NT5DC2: variants seen among roughly 807,000 people sequenced by gnomAD.
NT5DC2 encodes 5'-nucleotidase domain containing 2.
NT5DC2 carries 41 observed loss-of-function variants against 70.0 expected under a neutral mutation model. The ratio of observed to expected loss-of-function variants is 0.59; its 90% CI spans 0.46 to 0.76. NT5DC2 has a LOEUF of 0.76. Among genes scored for constraint, NT5DC2 ranks in the 30% least tolerant of loss-of-function variants. The pLI, the probability that NT5DC2 is intolerant of heterozygous loss-of-function variation, is 0.00. For synonymous variants in NT5DC2, 299 were observed against 310.4 expected (o/e 0.96, Z 0.39); for missense variants, 705 against 783.2 (o/e 0.90, Z 1.19).
Position 52,524,737 on chromosome 3 carries a change from G to A in NT5DC2, c.1413-6C>T, listed in dbSNP as rs377040069. On this transcript the variant is annotated splice_polypyrimidine_tract_variant and splice_region_variant and intron_variant, in intron 13 of 13. Transcript: ENST00000422318. ...ACAGGGCCTTGGTGATGCACCTGGCGAGGGAGACACGATGCGCTCAAGGGG... is the reference window on the plus strand; with the variant it reads ...ACAGGGCCTTGGTGATGCACCTGGCAAGGGAGACACGATGCGCTCAAGGGG... The A allele has an allele frequency of 8.9e-5, 143 of 1,612,546 alleles. No individual in the cohort carries two copies. Among genetic ancestry groups the A allele is most frequent in the Non-Finnish European group, 1.1e-4 (130 of 1,179,958 alleles).
At chr3:52,531,000 G>C (rs762289371) in intron 1 of NT5DC2, among the ~76,000 whole-genome samples, 1 of 152,214 alleles carries the variant, frequency 6.6e-6, no homozygotes. Context: ...CCCCAGTGCC[G>C]ATGACAAAGC....
In NT5DC2 at chr3:52,528,282, G is replaced by A. The variant is rs774116030; in HGVS notation, c.672C>T (p.Ile224=). ...GCAGAGCCATCTCCGGTAGCGAGAA[G>A]ATGTCCATGAACTGCTTAATGGAGG... The part of the protein sequence containing the change: ...KGPSIKQFMD[I]FSLPEMALLS... The change falls in exon 6 of 14, where the codon ATC becomes ATT. Residue 224 remains isoleucine (I), a synonymous_variant. Transcript: ENST00000422318. 13 of 1,613,316 alleles carry A rather than the reference G, an allele frequency of 8.1e-6. No individual in the cohort carries two copies. Among genetic ancestry groups the A allele is most frequent in the Non-Finnish European group, 1.1e-5 (13 of 1,180,046 alleles).
At position 52,528,262 on chromosome 3, in the gene NT5DC2, G is replaced by C. The variant is rs888527273; in HGVS notation, c.692C>G (p.Ala231Gly). ...FMDIFSLPEMALLSCVVDYFL... is the reference protein window; with the variant it reads ...FMDIFSLPEMGLLSCVVDYFL... ...GTAGTCCACCACACAGGACAGCAGA[G>C]CCATCTCCGGTAGCGAGAAGATGTC... Residue 231 changes from alanine (A) to glycine (G), a missense_variant, in exon 6 of 14, where the codon GCT becomes GGT. Ala to Gly is a moderately conservative substitution (Grantham distance 60, BLOSUM62 0). Transcript: ENST00000422318. 6 of 1,613,320 alleles carry C rather than the reference G, an allele frequency of 3.7e-6. No homozygotes were observed. The highest frequency in any genetic ancestry group is 5.1e-6 in the Non-Finnish European group (6 of 1,180,038).
intron 10 of NT5DC2, chr3:52,526,504 A>T (rs1482825588): frequency 6.6e-6 from 1 of 152,164 alleles, no homozygotes; most frequent in Non-Finnish European, 1.5e-5. Flanking sequence ...ACCTAATCCC[A>T]CCTCAACACC....
chr3:52,533,244 G>T (rs527441779), intron 1 of NT5DC2, among the ~76,000 whole-genome samples: 2 of 152,284 alleles, frequency 1.3e-5, no homozygotes, highest in Non-Finnish European at 2.9e-5. Flanking sequence ...CCAGCACTCC[G>T]GCAGCCGCTC....
rs537958530 is a variant in NT5DC2, at chr3:52,532,990, C to T, written c.232+516G>A. 4.6e-5 allele frequency among the ~76,000 whole-genome samples: 7 copies of T among 152,298 alleles called. No homozygotes were observed. In the South Asian group the frequency reaches 1.2e-3, roughly 27 times the overall value. ...GCGGGGGTGACTTGGCTTCTCCCAGCCTTCGCTGCCCGGGCTGAGAGGGGG... is the reference window on the plus strand; with the variant it reads ...GCGGGGGTGACTTGGCTTCTCCCAGTCTTCGCTGCCCGGGCTGAGAGGGGG... On this transcript the variant is annotated intron_variant, in intron 1 of 13. Coordinates refer to ENST00000422318, the MANE Select transcript of NT5DC2 (RefSeq NM_001134231.2).
At position 52,528,556 on chromosome 3, in the gene NT5DC2, T is replaced by C; in HGVS notation, c.549-17A>G. 6.9e-7 allele frequency: 1 copy of C among 1,443,514 alleles called. No individual in the cohort carries two copies. Among genetic ancestry groups the C allele is most frequent in the Non-Finnish European group, 9.2e-7 (1 of 1,083,688 alleles). 89.4% of individuals were successfully genotyped at this position (1,443,514 alleles called of 1,614,324 possible). ...TGGAGGCCCCTGAGCAGGCCCAAGA[T>C]ACCATCAGTCCAAGGTAGTCCTGAG... On this transcript the variant is annotated splice_polypyrimidine_tract_variant and intron_variant, in intron 4 of 13. Transcript: ENST00000422318.
chr3:52,528,771 G>A (rs2153238086), intron 3 of NT5DC2, 79 bp from the exon 4 acceptor site: 1 of 1,600,284 alleles, frequency 6.2e-7, no homozygotes, highest in Non-Finnish European at 8.6e-7. Context: ...TTCAGCCCAT[G>A]CCAGAACCCC....
rs1279938710 is a variant in NT5DC2 at position 52,533,789 on chromosome 3, C to CGCCGCCG, written c.-53_-52insCGGCGGC. ...CGCTGCCCTCGGCCAGCCCGCCGCC[C>CGCCGCCG]GCCGCCCGCCGCCCTCCGACTGCGC... On this transcript the variant is annotated 5_prime_UTR_variant, in exon 1 of 14. Coordinates refer to ENST00000422318, the MANE Select transcript of NT5DC2 (RefSeq NM_001134231.2). 1 of 974,300 alleles carries CGCCGCCG rather than the reference C, an allele frequency of 1.0e-6. No individual in the cohort carries two copies. Among genetic ancestry groups the CGCCGCCG allele is most frequent in the Non-Finnish European group, 1.2e-6 (1 of 823,228 alleles). 60.4% of individuals were successfully genotyped at this position (974,300 alleles called of 1,614,324 possible). A position where few individuals can be genotyped will look rare whatever the true frequency, so the allele number is the denominator to read the frequency against.
upstream of NT5DC2, chr3:52,534,840 G>T (rs373796334): frequency 1.5e-6 from 1 of 671,536 alleles, no homozygotes; most frequent in South Asian, 1.9e-5. Context: ...AACCTTGATT[G>T]AAGACCTACA....
intron 9 of NT5DC2, 81 bp downstream of exon 9, chr3:52,527,536 T>C: frequency 6.6e-7 from 1 of 1,525,292 alleles, no homozygotes; most frequent in East Asian, 2.3e-5. Flanking sequence ...AGGGCCAGGT[T>C]GGCCTCCTGC....
At position 52,524,436 on chromosome 3, in the gene NT5DC2, G is replaced by A. The variant is rs201684761; in HGVS notation, c.*34C>T. On this transcript the variant is annotated 3_prime_UTR_variant, in exon 14 of 14. Transcript: ENST00000422318. ...TTGTCTGGGTGGATGGGGCAGGAGGGGCTGAGGGCCTGTCCCAGACAATAA... is the reference window on the plus strand; with the variant it reads ...TTGTCTGGGTGGATGGGGCAGGAGGAGCTGAGGGCCTGTCCCAGACAATAA... The A allele has an allele frequency of 2.4e-5, 38 of 1,611,792 alleles. No individual in the cohort carries two copies. The Middle Eastern group carries it at 8.3e-4, about 35-fold the overall frequency.
chr3:52,525,287 C>T lies in NT5DC2; in HGVS notation c.1128G>A (p.Leu376=). ...ATTCCGTCAAGCGTAAGAAGTCAAA[C>T]AGGTTTCCCTAGGGAGAGGAGGGGA... ...EKGKIYRQGN[L]FDFLRLTEWR... The change falls in exon 11 of 14, where the codon CTG becomes CTA. Residue 376 remains leucine, a synonymous_variant. Coordinates refer to ENST00000422318, the MANE Select transcript of NT5DC2 (RefSeq NM_001134231.2). 1 of 1,612,574 alleles carries T rather than the reference C, an allele frequency of 6.2e-7. No individual in the cohort carries two copies. The highest frequency in any genetic ancestry group is 1.1e-5 in the South Asian group (1 of 90,914).
chr3:52,534,151 A>AC (rs960126825), upstream of NT5DC2: 25 of 291,012 alleles, frequency 8.6e-5, no homozygotes, highest in African/African-American at 6.9e-5. Flanking sequence ...CGCGACGGGT[A>AC]CCCCCCGGGC....
rs1333875912 is a variant in NT5DC2 at position 52,525,206 on chromosome 3, C to T, written c.1206+3G>A. ...CACTGCAGCCCAGCCCTGCCTCCCT[C>T]ACCGCCAGATCACTATAGAGGTGGT... On this transcript the variant is annotated splice_donor_region_variant and intron_variant, in intron 11 of 13. Coordinates refer to ENST00000422318, the MANE Select transcript of NT5DC2 (RefSeq NM_001134231.2). The T allele has an allele frequency of 6.2e-7, 1 of 1,611,410 alleles. No homozygotes were observed.
Position 52,533,738 on chromosome 3 carries a change from G to A in NT5DC2, c.-1C>T, listed in dbSNP as rs1229758899. The A allele has an allele frequency of 1.5e-5, 15 of 978,648 alleles. No individual in the cohort carries two copies. Among genetic ancestry groups the A allele is most frequent in the Non-Finnish European group, 1.7e-5 (14 of 826,544 alleles). 60.6% of individuals were successfully genotyped at this position (978,648 alleles called of 1,614,324 possible). A position where few individuals can be genotyped will look rare whatever the true frequency, so the allele number is the denominator to read the frequency against. Reference sequence around the variant, plus strand: ...CCGCCCGCAGCCCCGCACCCGCCATGCCCACCGCGCGCCGCCCGCCGCCCG... The same window carrying A: ...CCGCCCGCAGCCCCGCACCCGCCATACCCACCGCGCGCCGCCCGCCGCCCG... On this transcript the variant is annotated 5_prime_UTR_variant, in exon 1 of 14. Transcript: ENST00000422318.
chr3:52,533,586 G>GGCGCGGA lies in NT5DC2; in HGVS notation c.145_151dup (p.Pro51LeufsTer55). 5 of 1,291,512 alleles carry GGCGCGGA rather than the reference G, an allele frequency of 3.9e-6. No individual in the cohort carries two copies. Among genetic ancestry groups the GGCGCGGA allele is most frequent in the Non-Finnish European group, 4.9e-6 (5 of 1,020,488 alleles). The allele number at this position is 1,291,512 out of a possible 1,614,324, so 80.0% of individuals were successfully genotyped here. A position where few individuals can be genotyped will look rare whatever the true frequency, so the allele number is the denominator to read the frequency against. On this transcript the variant is annotated frameshift_variant, in exon 1 of 14. Coordinates refer to ENST00000422318, the MANE Select transcript of NT5DC2 (RefSeq NM_001134231.2). LOFTEE classifies it high-confidence loss of function. ...GGCGCCGCTGGTGGGTGCCTGGGCG[G>GGCGCGGA]GCGCGGAGCGCGGGACGCCGGGGCA...
At chr3:52,530,319 T>G (rs2079342410) in intron 1 of NT5DC2, among the ~76,000 whole-genome samples, 1 of 152,178 alleles carries the variant, frequency 6.6e-6, no homozygotes. Flanking sequence ...CTGTGTGGCA[T>G]GGGCTCTGGG....
intron 1 of NT5DC2, chr3:52,532,183 G>A: frequency 1.0e-6 from 1 of 985,460 alleles, no homozygotes; most frequent in Non-Finnish European, 1.2e-6. Flanking sequence ...TGGTGGGAAT[G>A]ACTTTGCTCC....
Sources: gnomAD v4.1 joint callset for allele counts (sites outside exome capture counted in the v4.1 genomes callset) on GRCh38, gnomAD v4.1.1 for gene constraint, MANE v1.5 for transcripts, NCBI Gene and HGNC (gene_info 2026-07-23, HGNC 2026-07-21) for gene names.